The following INSYN2B variants were observed in gnomAD, a reference collection of about 807,000 sequenced individuals.
The protein encoded by INSYN2B is protein INSYN2B.
INSYN2B carries 16 observed loss-of-function variants against 41.2 expected under a neutral mutation model. The observed-to-expected ratio is 0.39, with a 90% CI of 0.26 to 0.59. INSYN2B has a LOEUF of 0.59. Among genes scored for constraint, INSYN2B ranks in the 20% least tolerant of loss-of-function variants. The pLI, the probability that INSYN2B is intolerant of heterozygous loss-of-function variation, is 0.57. For synonymous variants in INSYN2B, 245 were observed against 244.4 expected (o/e 1.00, Z -0.02); for missense variants, 608 against 646.4 (o/e 0.94, Z 0.64).
chr5:169,965,781 G>C (rs1431678011), intron 1 of INSYN2B, among the ~76,000 whole-genome samples: 1 of 152,188 alleles, frequency 6.6e-6, no homozygotes, highest in Non-Finnish European at 1.5e-5. Context: ...TGATGTTACA[G>C]ATGAGGAAAC....
chr5:169,893,317 A>T (rs1773404922), intron 1 of INSYN2B, among the ~76,000 whole-genome samples: 3 of 152,204 alleles, frequency 2.0e-5, no homozygotes, highest in African/African-American at 7.2e-5. Context: ...TACTACCACC[A>T]GATGCAACTG....
At chr5:169,874,760 G>A (rs1187146161) in intron 3 of INSYN2B, among the ~76,000 whole-genome samples, 2 of 152,164 alleles carry the variant, frequency 1.3e-5, no homozygotes, top group Non-Finnish European at 2.9e-5. Flanking sequence ...TCTGATCTCA[G>A]ATGAGGCCTG....
At chr5:169,948,966 A>G (rs2113720841) in intron 1 of INSYN2B, among the ~76,000 whole-genome samples, 1 of 152,272 alleles carries the variant, frequency 6.6e-6, no homozygotes, top group Non-Finnish European at 1.5e-5. Context: ...AGAATATCCT[A>G]TACTTTTTTA....
At chr5:169,877,552 G>T (rs183573624) in intron 3 of INSYN2B, among the ~76,000 whole-genome samples, 1 of 152,190 alleles carries the variant, frequency 6.6e-6, no homozygotes, top group Admixed American at 6.5e-5. Context: ...AATATGGGAA[G>T]AAAATTAATT....
At chr5:169,901,405 G>T (rs1359256522) in intron 1 of INSYN2B, among the ~76,000 whole-genome samples, 1 of 152,158 alleles carries the variant, frequency 6.6e-6, no homozygotes, top group African/African-American at 2.4e-5. Flanking sequence ...ATGACTTCAA[G>T]AGGTTTACGA....
intron 1 of INSYN2B, among the ~76,000 whole-genome samples, chr5:169,956,623 A>C (rs1055581437): frequency 6.6e-6 from 1 of 152,222 alleles, no homozygotes; most frequent in African/African-American, 2.4e-5. Flanking sequence ...ATCTGCTAAG[A>C]AAATACATTG....
intron 1 of INSYN2B, among the ~76,000 whole-genome samples, chr5:169,912,147 C>G: frequency 6.6e-6 from 1 of 152,130 alleles, no homozygotes; most frequent in East Asian, 1.9e-4. Flanking sequence ...AAAAGGAAAG[C>G]GACTATTATT....
chr5:169,955,165 G>A (rs548953369), intron 1 of INSYN2B, among the ~76,000 whole-genome samples: 18 of 152,308 alleles, frequency 1.2e-4, no homozygotes, highest in Admixed American at 2.0e-4. Context: ...CATGTCAGGA[G>A]GATGACGAGA....
At chr5:169,892,573 T>G (rs1773360016) in intron 1 of INSYN2B, among the ~76,000 whole-genome samples, 1 of 152,208 alleles carries the variant, frequency 6.6e-6, no homozygotes, top group Admixed American at 6.5e-5. Context: ...CAGAGGCCTC[T>G]CCGATGGATG....
At chr5:169,900,025 G>A (rs1773833053) in intron 1 of INSYN2B, among the ~76,000 whole-genome samples, 1 of 152,196 alleles carries the variant, frequency 6.6e-6, no homozygotes, top group Non-Finnish European at 1.5e-5. Flanking sequence ...GAAACCACAA[G>A]CTGTCTTTTC....
intron 1 of INSYN2B, among the ~76,000 whole-genome samples, chr5:169,973,154 T>G (rs1777589191): frequency 6.6e-6 from 1 of 152,232 alleles, no homozygotes. Flanking sequence ...GCTCTCTGGC[T>G]TGGTCACCCG....
chr5:169,953,368 C>A (rs541788283), intron 1 of INSYN2B, among the ~76,000 whole-genome samples: 1 of 149,822 alleles, frequency 6.7e-6, no homozygotes, highest in Non-Finnish European at 1.5e-5. Flanking sequence ...AGAGTTTGGG[C>A]TTTAGAATAA....
intron 1 of INSYN2B, among the ~76,000 whole-genome samples, chr5:169,976,285 G>C (rs1777715257): frequency 6.6e-6 from 1 of 152,192 alleles, no homozygotes; most frequent in African/African-American, 2.4e-5. Context: ...GAGTCGGAAA[G>C]GCCTAAATTT....
rs149030214 is a variant in INSYN2B at position 169,977,453 on chromosome 5, G to A, written c.-919+2824C>T. Among the ~76,000 whole-genome samples the A allele has an allele frequency of 3.0e-3, 454 of 152,270 alleles. 6 individuals are homozygous for A. The highest frequency in any genetic ancestry group is 1.1e-3 in the Non-Finnish European group (74 of 68,008). On this transcript the variant is annotated intron_variant, in intron 1 of 3. Coordinates refer to ENST00000377365, the MANE Select transcript of INSYN2B (RefSeq NM_001129891.3). ...TAGCTGCTATTATCGAGGGCTTTCC[G>A]TATTCTAAGTCCTTTACACAAATTA...
At chr5:169,889,935 G>C (rs2161147) in intron 1 of INSYN2B, among the ~76,000 whole-genome samples, 5,271 of 152,288 alleles carry the variant, frequency 0.035, 183 homozygotes, top group African/African-American at 0.089. Context: ...ACATTGCCGT[G>C]TCCCTTCTCT....
At chr5:169,938,482 A>G (rs573211410) in intron 1 of INSYN2B, among the ~76,000 whole-genome samples, 64 of 152,342 alleles carry the variant, frequency 4.2e-4, no homozygotes, top group African/African-American at 1.3e-3. Flanking sequence ...ACTGTAGGCA[A>G]TTAGAACACA....
chr5:169,939,756 T>G (rs1166087362), intron 1 of INSYN2B, among the ~76,000 whole-genome samples: 1 of 152,176 alleles, frequency 6.6e-6, no homozygotes, highest in Non-Finnish European at 1.5e-5. Flanking sequence ...AAAGTTCTTA[T>G]AAGGAACTCA....
At chr5:169,958,803 T>C (rs1581472198) in intron 1 of INSYN2B, among the ~76,000 whole-genome samples, 1 of 152,120 alleles carries the variant, frequency 6.6e-6, no homozygotes, top group African/African-American at 2.4e-5. Flanking sequence ...ACCCTCATAA[T>C]TGGTTCAGGG....
chr5:169,915,188 C>T (rs1774809261), intron 1 of INSYN2B, among the ~76,000 whole-genome samples: 1 of 151,906 alleles, frequency 6.6e-6, no homozygotes, highest in Admixed American at 6.6e-5. Context: ...CTGGTGGAAG[C>T]CAAACAAATC....
Sources: gnomAD v4.1 joint callset for allele counts (sites outside exome capture counted in the v4.1 genomes callset) on GRCh38, gnomAD v4.1.1 for gene constraint, MANE v1.5 for transcripts, NCBI Gene and HGNC (gene_info 2026-07-23, HGNC 2026-07-21) for gene names.